Variants in AGPAT4 observed in about 807,000 individuals in gnomAD.
The protein encoded by AGPAT4 is 1-acylglycerol-3-phosphate O-acyltransferase 4, also known as 1-acyl-sn-glycerol-3-phosphate acyltransferase delta.
Under a neutral mutation model 48.0 loss-of-function variants are expected in AGPAT4, and 15 were observed. That is an observed-to-expected ratio of 0.31 (90% CI 0.21 to 0.48). The LOEUF (loss-of-function observed/expected upper bound fraction) is 0.48, where lower values mean the gene tolerates loss of function less well. Ranked by LOEUF, AGPAT4 falls within the 20% of genes least tolerant of loss-of-function variation. The pLI is 0.99. For synonymous variants in AGPAT4, 178 were observed against 198.7 expected, an observed-to-expected ratio of 0.90 and a Z score of 0.88; for missense variants, 314 against 482.5, an observed-to-expected ratio of 0.65 and a Z score of 3.27.
At chr6:161,190,154 G>A (rs1460039840) in intron 2 of AGPAT4, among the ~76,000 whole-genome samples, 2 of 152,158 alleles carry the variant, frequency 1.3e-5, no homozygotes, top group South Asian at 2.1e-4. Context: ...TAAGGAACAC[G>A]GGATTTTTAT....
rs1045505259 is a variant in AGPAT4, at chr6:161,262,681, C to T, written c.-90+11257G>A. ...TTCCTTTGCTCAGAAGGTTTGGGTC[C>T]GATTATTCTTCAGTCCCACGGGGGA... On this transcript the variant is annotated intron_variant, in intron 1 of 8. Transcript: ENST00000320285. This position sits in a 1 kb window ranked among gnomAD's most constrained non-coding sequence, Gnocchi z 4.9. Among the ~76,000 whole-genome samples the T allele has an allele frequency of 2.6e-5, 4 of 152,108 alleles. No individual in the cohort carries two copies. Among genetic ancestry groups the T allele is most frequent in the East Asian group, 1.9e-4 (1 of 5,186 alleles).
In AGPAT4 at chr6:161,204,720, C is replaced by T. The variant is rs1414002909; in HGVS notation, c.178+27316G>A. Among the ~76,000 whole-genome samples, 4 of 152,016 alleles carry T rather than the reference C, an allele frequency of 2.6e-5. No homozygotes were observed. Among genetic ancestry groups the T allele is most frequent in the African/African-American group, 9.7e-5 (4 of 41,390 alleles). On this transcript the variant is annotated intron_variant, in intron 2 of 8. Coordinates refer to ENST00000320285, the MANE Select transcript of AGPAT4 (RefSeq NM_020133.3). The surrounding 1 kb of genome is among the most constrained non-coding windows in gnomAD (Gnocchi z 4.4). ...TCCCTAAATTCACAGAATATGAGTG[C>T]TACAGTGCCAAGCAGAGAGGATACA...
In AGPAT4 at chr6:161,166,973, G is replaced by C. The variant is rs1780118583; in HGVS notation, c.179-556C>G. ...CACAGCAGGTCTGAAGAGAACTATT[G>C]AAATAGTCTTTGTAGGGGCTTGTGA... On this transcript the variant is annotated intron_variant, in intron 2 of 8. Coordinates refer to ENST00000320285, the MANE Select transcript of AGPAT4 (RefSeq NM_020133.3). The surrounding 1 kb of genome is among the most constrained non-coding windows in gnomAD (Gnocchi z 6.7). 6.6e-6 allele frequency among the ~76,000 whole-genome samples: 1 copy of C among 152,146 alleles called. No individual in the cohort carries two copies. The highest frequency in any genetic ancestry group is 6.5e-5 in the Admixed American group (1 of 15,274).
rs1022267032 is a variant in AGPAT4, at chr6:161,243,103, T to C, written c.-89-10801A>G. ...TAATTTAAAAAAAAATGAAACTTTT[T>C]CAAACATGGAAAGAAGGCAGAATGC... On this transcript the variant is annotated intron_variant, in intron 1 of 8. Coordinates refer to ENST00000320285, the MANE Select transcript of AGPAT4 (RefSeq NM_020133.3). The surrounding 1 kb of genome is among the most constrained non-coding windows in gnomAD (Gnocchi z 4.8). 6.6e-6 allele frequency among the ~76,000 whole-genome samples: 1 copy of C among 152,120 alleles called. No individual in the cohort carries two copies.
In AGPAT4 at chr6:161,130,462, C is replaced by T; in HGVS notation, c.*6078G>A. The stretch of plus-strand genomic sequence containing the variant: ...TTTCCCTCCTTAAATTACCTCCCTC[C>T]AGGTCTGTTTCCTCAAAGATCATCC... On this transcript the variant is annotated 3_prime_UTR_variant, in exon 9 of 9. Transcript: ENST00000320285. The T allele has an allele frequency of 6.3e-6, 1 of 159,484 alleles. No individual in the cohort carries two copies. Among genetic ancestry groups the T allele is most frequent in the Non-Finnish European group, 1.4e-5 (1 of 72,066 alleles). The allele number at this position is 159,484 out of a possible 1,614,324, so 9.9% of individuals were successfully genotyped here. A position where few individuals can be genotyped will look rare whatever the true frequency, so the allele number is the denominator to read the frequency against.
In AGPAT4 at chr6:161,226,718, G is replaced by A. The variant is rs1334131536; in HGVS notation, c.178+5318C>T. Among the ~76,000 whole-genome samples the A allele has an allele frequency of 6.6e-6, 1 of 152,218 alleles. No individual in the cohort carries two copies. Among genetic ancestry groups the A allele is most frequent in the Non-Finnish European group, 1.5e-5 (1 of 68,042 alleles). On this transcript the variant is annotated intron_variant, in intron 2 of 8. Coordinates refer to ENST00000320285, the MANE Select transcript of AGPAT4 (RefSeq NM_020133.3). The surrounding 1 kb of genome is among the most constrained non-coding windows in gnomAD (Gnocchi z 6.3). ...AAGCAGATGATAGCACATTGATGTG[G>A]CCAGGATTCCCCACAGAGAGGTTAC...
rs1782117661 is a variant in AGPAT4 at position 161,231,379 on chromosome 6, A to G, written c.178+657T>C. On this transcript the variant is annotated intron_variant, in intron 2 of 8. Transcript: ENST00000320285. The surrounding 1 kb of genome is among the most constrained non-coding windows in gnomAD (Gnocchi z 5.3). ...ATCAAACATACACGGACACATACAC[A>G]CACACAAATGAGTGTACTTAAAAGT... Among the ~76,000 whole-genome samples the G allele has an allele frequency of 6.6e-6, 1 of 152,108 alleles. No homozygotes were observed. Among genetic ancestry groups the G allele is most frequent in the Non-Finnish European group, 1.5e-5 (1 of 68,030 alleles).
rs1781262525 is a variant in AGPAT4, at chr6:161,202,478, T to C, written c.178+29558A>G. Among the ~76,000 whole-genome samples the C allele has an allele frequency of 1.3e-5, 2 of 152,158 alleles. No homozygotes were observed. The highest frequency in any genetic ancestry group is 4.1e-4 in the South Asian group (2 of 4,828). On this transcript the variant is annotated intron_variant, in intron 2 of 8. Coordinates refer to ENST00000320285, the MANE Select transcript of AGPAT4 (RefSeq NM_020133.3). This position sits in a 1 kb window ranked among gnomAD's most constrained non-coding sequence, Gnocchi z 5.4. ...CTTGAAAGTTACAAAGCACCATTTATGTCACTTAGTTGAAGAGAAGAGAGT... is the reference window on the plus strand; with the variant it reads ...CTTGAAAGTTACAAAGCACCATTTACGTCACTTAGTTGAAGAGAAGAGAGT...
rs1376171855 is a variant in AGPAT4, at chr6:161,218,277, C to T, written c.178+13759G>A. Among the ~76,000 whole-genome samples, 1 of 152,108 alleles carries T rather than the reference C, an allele frequency of 6.6e-6. No individual in the cohort carries two copies. The highest frequency in any genetic ancestry group is 1.5e-5 in the Non-Finnish European group (1 of 68,026). ...AAAAAAGCCCTGATTTATAGTTCTG[C>T]CGATTTCTATGGTGCAAATATTCCC... On this transcript the variant is annotated intron_variant, in intron 2 of 8. Transcript: ENST00000320285. This position sits in a 1 kb window ranked among gnomAD's most constrained non-coding sequence, Gnocchi z 4.7.
In AGPAT4 at chr6:161,223,880, C is replaced by G. The variant is rs1317197895; in HGVS notation, c.178+8156G>C. Among the ~76,000 whole-genome samples the G allele has an allele frequency of 6.6e-6, 1 of 152,206 alleles. No homozygotes were observed. On this transcript the variant is annotated intron_variant, in intron 2 of 8. Coordinates refer to ENST00000320285, the MANE Select transcript of AGPAT4 (RefSeq NM_020133.3). The surrounding 1 kb of genome is among the most constrained non-coding windows in gnomAD (Gnocchi z 6.3). ...AGTCACTTAAACTCTCTGTGCCTAA[C>G]TACTCAAAACAGTTCCTGGAACAGT...
rs1779184482 is a variant in AGPAT4 at position 161,139,582 on chromosome 6, G to A, written c.882C>T (p.Phe294=). ...FQEEYYRTGT[F]PETPMVPPRR... is the part of the protein sequence containing the mutation. ...GGGGGGGCACCATGGGCGTCTCTGG[G>A]AAGGTGCCCGTCCTGTAGTACTCCT... Residue 294 remains phenylalanine, a synonymous_variant, in exon 8 of 9, where the codon TTC becomes TTT. Coordinates refer to ENST00000320285, the MANE Select transcript of AGPAT4 (RefSeq NM_020133.3). This position sits in a 1 kb window ranked among gnomAD's most constrained non-coding sequence, Gnocchi z 9.1. 6.2e-7 allele frequency: 1 copy of A among 1,613,726 alleles called. No homozygotes were observed. Among genetic ancestry groups the A allele is most frequent in the Non-Finnish European group, 8.5e-7 (1 of 1,179,788 alleles).
chr6:161,168,429 A>C (rs537690932), intron 2 of AGPAT4, among the ~76,000 whole-genome samples: 32 of 151,744 alleles, frequency 2.1e-4, no homozygotes, highest in African/African-American at 7.2e-4. Context: ...GGCCACTCTC[A>C]CCGCCCCCTA....
At chr6:161,209,348 A>T (rs3798933) in intron 2 of AGPAT4, among the ~76,000 whole-genome samples, 29,335 of 152,216 alleles carry the variant, frequency 0.19, 3,102 homozygotes, top group East Asian at 0.42. Flanking sequence ...GCTGGATAAA[A>T]GGGCTTCATT....
rs915163813 is a variant in AGPAT4 at position 161,147,179 on chromosome 6, G to A, written c.768-580C>T. On this transcript the variant is annotated intron_variant, in intron 6 of 8. Coordinates refer to ENST00000320285, the MANE Select transcript of AGPAT4 (RefSeq NM_020133.3). This position sits in a 1 kb window ranked among gnomAD's most constrained non-coding sequence, Gnocchi z 4.8. The stretch of plus-strand genomic sequence containing the variant: ...GTTCTCCCAGATGGAAGTAGCCAGG[G>A]CATCTTCCCCAGGCTCCATGGCTCA... 1.3e-5 allele frequency among the ~76,000 whole-genome samples: 2 copies of A among 152,054 alleles called. No individual in the cohort carries two copies. The highest frequency in any genetic ancestry group is 4.8e-5 in the African/African-American group (2 of 41,418).
chr6:161,149,648 T>G lies in AGPAT4; in HGVS notation c.665-359A>C, dbSNP rs938906077. Among the ~76,000 whole-genome samples the G allele has an allele frequency of 6.6e-6, 1 of 152,074 alleles. No individual in the cohort carries two copies. Among genetic ancestry groups the G allele is most frequent in the Non-Finnish European group, 1.5e-5 (1 of 68,012 alleles). ...CCTCTGCCTCCCGGGTTCAAACAAT[T>G]CTCCTGTCTCAGCCTCCCAAGTAGC... On this transcript the variant is annotated intron_variant, in intron 5 of 8. Coordinates refer to ENST00000320285, the MANE Select transcript of AGPAT4 (RefSeq NM_020133.3). This position sits in a 1 kb window ranked among gnomAD's most constrained non-coding sequence, Gnocchi z 6.5.
intron 3 of AGPAT4, among the ~76,000 whole-genome samples, chr6:161,163,296 C>T (rs1045724992): frequency 2.5e-4 from 38 of 152,324 alleles, no homozygotes; most frequent in African/African-American, 9.1e-4. Flanking sequence ...GGTCAGGAAC[C>T]TTCTTCTGTT....
At chr6:161,182,243 C>A (rs1180405904) in intron 2 of AGPAT4, among the ~76,000 whole-genome samples, 1 of 148,286 alleles carries the variant, frequency 6.7e-6, no homozygotes, top group East Asian at 2.0e-4. Context: ...CATCCCCGCA[C>A]CTCATCCCAG....
chr6:161,251,246 G>A lies in AGPAT4; in HGVS notation c.-89-18944C>T, dbSNP rs917479557. ...TACAGTCCTCTGTGAAGATTTAAAT[G>A]GATTTCCAAATAGCTAACCAGTTGT... On this transcript the variant is annotated intron_variant, in intron 1 of 8. Transcript: ENST00000320285. This position sits in a 1 kb window ranked among gnomAD's most constrained non-coding sequence, Gnocchi z 4.6. 1.3e-5 allele frequency among the ~76,000 whole-genome samples: 2 copies of A among 152,108 alleles called. No individual in the cohort carries two copies. Among genetic ancestry groups the A allele is most frequent in the African/African-American group, 4.8e-5 (2 of 41,416 alleles).
At chr6:161,248,379 A>G (rs1300344405) in intron 1 of AGPAT4, among the ~76,000 whole-genome samples, 1 of 151,898 alleles carries the variant, frequency 6.6e-6, no homozygotes, top group East Asian at 1.9e-4. Context: ...TCGAGACCAT[A>G]CTGGCTAACA....
Sources: allele counts gnomAD v4.1 joint callset (sites outside exome capture counted in the v4.1 genomes callset), GRCh38; gene constraint gnomAD v4.1.1; non-coding constraint Gnocchi (gnomAD v3.1); transcripts MANE v1.5; gene names NCBI Gene and HGNC (gene_info 2026-07-23, HGNC 2026-07-21).